The following ANKRD44 variants were observed in gnomAD, a reference collection of about 807,000 sequenced individuals.
ANKRD44 encodes the protein ankyrin repeat domain 44.
ANKRD44 carries 35 observed loss-of-function variants against 116.0 expected under a neutral mutation model. That is an observed-to-expected ratio of 0.30 (90% CI 0.23 to 0.40). The LOEUF (loss-of-function observed/expected upper bound fraction) is 0.40, where lower values mean the gene tolerates loss of function less well. ANKRD44 is among the 10% of genes least tolerant of loss of function. The pLI is 1.00. For synonymous variants in ANKRD44, 435 were observed against 461.8 expected (o/e 0.94, Z 0.74); for missense variants, 1,014 against 1,242.6 (o/e 0.82, Z 2.77).
At chr2:197,015,894 A>G (rs2076382837) in intron 17 of ANKRD44, 1 of 524,086 alleles carries the variant, frequency 1.9e-6, no homozygotes, top group South Asian at 1.5e-5. Flanking sequence ...ATAGTGGGCG[A>G]CAGCAATCAA....
intron 13 of ANKRD44, among the ~76,000 whole-genome samples, chr2:197,085,607 A>G (rs1369718106): frequency 6.6e-6 from 1 of 152,084 alleles, no homozygotes; most frequent in African/African-American, 2.4e-5. Context: ...CTACACTCCC[A>G]CCAGCCCCAT....
chr2:197,296,106 G>T (rs1039925009), intron 1 of ANKRD44, among the ~76,000 whole-genome samples: 1 of 152,148 alleles, frequency 6.6e-6, no homozygotes, highest in Non-Finnish European at 1.5e-5. Context: ...ATGAAGAAAT[G>T]TCCTGCTTGA....
At chr2:197,282,074 A>C (rs997067806) in intron 1 of ANKRD44, among the ~76,000 whole-genome samples, 1 of 152,136 alleles carries the variant, frequency 6.6e-6, no homozygotes, top group African/African-American at 2.4e-5. Context: ...TAACAAGGTG[A>C]AACCCCGTCT....
In ANKRD44 at chr2:197,122,679, C is replaced by A. The variant is rs761625708; in HGVS notation, c.664G>T (p.Val222Phe). The change falls in exon 7 of 28, where the codon GTC becomes TTC. Residue 222 changes from valine to phenylalanine, a missense_variant. Coordinates refer to ENST00000282272, the MANE Select transcript of ANKRD44 (RefSeq NM_001195144.2). Reference sequence around the variant, plus strand: ...ACCCCCAGGTTCAGGAGATGCTTGACAACATTAATCTGTCCATTGGAGGCT... The same window carrying A: ...ACCCCCAGGTTCAGGAGATGCTTGAAAACATTAATCTGTCCATTGGAGGCT... ...AAASNGQINVVKHLLNLGVEI... is the reference protein window; with the variant it reads ...AAASNGQINVFKHLLNLGVEI... The A allele has an allele frequency of 4.3e-6, 7 of 1,613,982 alleles. No individual in the cohort carries two copies. In the South Asian group the frequency reaches 5.5e-5, roughly 13 times the overall value.
intron 1 of ANKRD44, among the ~76,000 whole-genome samples, chr2:197,254,245 T>C (rs1289698829): frequency 6.6e-6 from 1 of 151,922 alleles, no homozygotes; most frequent in African/African-American, 2.4e-5. Context: ...ATACAAAAAT[T>C]AGCCGGGCGT....
At chr2:197,005,669 ATCAG>A in intron 21 of ANKRD44, 21 bp downstream of exon 21, 1 of 1,609,964 alleles carries the variant, frequency 6.2e-7, no homozygotes, top group South Asian at 1.1e-5. Context: ...GTCTAGTGGA[ATCAG>A]TCAAATGATA....
At chr2:197,012,711 C>T (rs958970739) in intron 18 of ANKRD44, among the ~76,000 whole-genome samples, 13 of 152,282 alleles carry the variant, frequency 8.5e-5, no homozygotes, top group Admixed American at 1.3e-4. Flanking sequence ...TAACAAGAAT[C>T]ATAAAGTCTT....
At chr2:197,274,576 C>A (rs1000304431) in intron 1 of ANKRD44, among the ~76,000 whole-genome samples, 1 of 152,228 alleles carries the variant, frequency 6.6e-6, no homozygotes, top group Non-Finnish European at 1.5e-5. Flanking sequence ...CACTCCAGGG[C>A]TTCCTGCCAG....
intron 1 of ANKRD44, among the ~76,000 whole-genome samples, chr2:197,305,967 T>TTATATA (rs374313668): frequency 0.1 from 12,970 of 124,542 alleles, 974 homozygotes; most frequent in Middle Eastern, 0.19. Context: ...GCAGTTCGTT[T>TTATATA]TATATATATA....
chr2:197,193,877 A>G (rs1162992575), intron 1 of ANKRD44, among the ~76,000 whole-genome samples: 1 of 152,106 alleles, frequency 6.6e-6, no homozygotes, highest in African/African-American at 2.4e-5. Context: ...GAGGGACTCC[A>G]TCTCAAAAAA....
intron 27 of ANKRD44, 43 bp downstream of exon 27, chr2:196,993,540 T>A: frequency 6.8e-7 from 1 of 1,472,074 alleles, no homozygotes; most frequent in Non-Finnish European, 9.3e-7. Context: ...TTCAACTAGC[T>A]TATGGAAGGT....
At chr2:197,216,650 T>C (rs1283836283) in intron 1 of ANKRD44, among the ~76,000 whole-genome samples, 3 of 152,144 alleles carry the variant, frequency 2.0e-5, no homozygotes, top group African/African-American at 7.2e-5. Context: ...TCAAAGTGCA[T>C]GTCATCATTT....
intron 2 of ANKRD44, among the ~76,000 whole-genome samples, chr2:197,156,345 CAA>C (rs566571449): frequency 8.0e-6 from 1 of 125,414 alleles, no homozygotes; most frequent in African/African-American, 2.9e-5. Context: ...GACTCCGTCT[CAA>C]AAAAAAAAAA....
At chr2:197,310,245 G>A (rs896173120) in intron 1 of ANKRD44, among the ~76,000 whole-genome samples, 4 of 151,030 alleles carry the variant, frequency 2.6e-5, no homozygotes, top group African/African-American at 9.7e-5. Context: ...GCAACGCGGC[G>A]CGGTGCGAGT....
chr2:197,235,313 G>T (rs536413797), intron 1 of ANKRD44, among the ~76,000 whole-genome samples: 1 of 152,204 alleles, frequency 6.6e-6, no homozygotes, highest in African/African-American at 2.4e-5. Context: ...GCTGAGAGGG[G>T]CTCAAAAGTA....
At position 197,212,760 on chromosome 2, in the gene ANKRD44, C is replaced by G. The variant is rs920783605; in HGVS notation, c.28-25654G>C. On this transcript the variant is annotated intron_variant, in intron 1 of 27. Coordinates refer to ENST00000282272, the MANE Select transcript of ANKRD44 (RefSeq NM_001195144.2). This position sits in a 1 kb window ranked among gnomAD's most constrained non-coding sequence, Gnocchi z 4.8. Reference sequence around the variant, plus strand: ...TTTGCTCAAAAGAATTCAGTTAACACCCACAAGGAAGGGAGGTGGACACGT... The same window carrying G: ...TTTGCTCAAAAGAATTCAGTTAACAGCCACAAGGAAGGGAGGTGGACACGT... 2.6e-5 allele frequency among the ~76,000 whole-genome samples: 4 copies of G among 152,080 alleles called. No individual in the cohort carries two copies. Among genetic ancestry groups the G allele is most frequent in the Non-Finnish European group, 5.9e-5 (4 of 68,004 alleles).
intron 1 of ANKRD44, among the ~76,000 whole-genome samples, chr2:197,232,654 C>G (rs1046646449): frequency 6.6e-6 from 1 of 152,184 alleles, no homozygotes; most frequent in Non-Finnish European, 1.5e-5. Flanking sequence ...GCTACCCCAG[C>G]TCTGGCCTGG....
intron 18 of ANKRD44, among the ~76,000 whole-genome samples, chr2:197,010,369 G>T (rs1454510125): frequency 6.6e-6 from 1 of 151,932 alleles, no homozygotes; most frequent in Non-Finnish European, 1.5e-5. Flanking sequence ...AGGTGTGACT[G>T]GGCTCCCTGG....
intron 1 of ANKRD44, among the ~76,000 whole-genome samples, chr2:197,273,973 AAAAAAAAATATATATATATATATATATAT>A (rs1488235175): frequency 0.064 from 4,027 of 62,448 alleles, 426 homozygotes; most frequent in Admixed American, 0.19. Flanking sequence ...AAAAAAAAAA[AAAAAAAAATATATATATATATATATATAT>A]ATATATATAT....
Sources: allele counts gnomAD v4.1 joint callset (sites outside exome capture counted in the v4.1 genomes callset), GRCh38; gene constraint gnomAD v4.1.1; non-coding constraint Gnocchi (gnomAD v3.1); transcripts MANE v1.5; gene names NCBI Gene and HGNC (gene_info 2026-07-23, HGNC 2026-07-21).